Variants in RAPGEF5 observed in about 807,000 individuals in gnomAD.
RAPGEF5 encodes M-Ras-regulated GEF.
In RAPGEF5, 65 loss-of-function variants were observed where a neutral mutation model predicts 125.2. That is an observed-to-expected ratio of 0.52 (90% confidence interval 0.43 to 0.64). RAPGEF5 has a LOEUF of 0.64. Among genes scored for constraint, RAPGEF5 ranks in the 30% least tolerant of loss-of-function variants. RAPGEF5 has a pLI of 0.00. For missense variants in RAPGEF5, 958 were observed against 1,048.1 expected, an observed-to-expected ratio of 0.91 and a Z score of 1.19; for synonymous variants, 391 against 385.9, an observed-to-expected ratio of 1.01 and a Z score of -0.16.
chr7:22,334,960 T>C (rs1053199555), intron 1 of RAPGEF5, among the ~76,000 whole-genome samples: 18 of 152,238 alleles, frequency 1.2e-4, no homozygotes, highest in African/African-American at 4.1e-4. Flanking sequence ...CTTCCAGTAA[T>C]TTCAGAGTTG....
chr7:22,307,408 A>C (rs950951946), intron 5 of RAPGEF5, among the ~76,000 whole-genome samples: 2 of 152,142 alleles, frequency 1.3e-5, no homozygotes, highest in East Asian at 3.8e-4. Flanking sequence ...ATGGAACTAT[A>C]ACCGGGTATT....
intron 1 of RAPGEF5, among the ~76,000 whole-genome samples, chr7:22,345,549 A>C (rs1413988972): frequency 6.6e-6 from 1 of 152,228 alleles, no homozygotes; most frequent in East Asian, 1.9e-4. Flanking sequence ...TTATGAAAAT[A>C]GTAAAATAAG....
intron 9 of RAPGEF5, among the ~76,000 whole-genome samples, chr7:22,194,362 C>T (rs936993674): frequency 2.6e-5 from 4 of 152,162 alleles, no homozygotes; most frequent in African/African-American, 4.8e-5. Flanking sequence ...TTTCAAAAAG[C>T]ACAACATACT....
chr7:22,245,206 T>C (rs1786444429), intron 7 of RAPGEF5, among the ~76,000 whole-genome samples: 1 of 152,264 alleles, frequency 6.6e-6, no homozygotes, highest in Admixed American at 6.5e-5. Flanking sequence ...ATATGTTGGC[T>C]ATTAACACCT....
chr7:22,281,786 T>C (rs965213195), intron 6 of RAPGEF5, among the ~76,000 whole-genome samples: 1 of 152,246 alleles, frequency 6.6e-6, no homozygotes, highest in Non-Finnish European at 1.5e-5. Context: ...CTGACAAAGA[T>C]GTTACTACAT....
rs146465250 is a variant in RAPGEF5 at position 22,119,963 on chromosome 7, T to C, written c.*2443A>G. 27 of 152,348 alleles carry C rather than the reference T, an allele frequency of 1.8e-4. No homozygotes were observed. Among genetic ancestry groups the C allele is most frequent in the African/African-American group, 6.5e-4 (27 of 41,576 alleles). 9.4% of individuals were successfully genotyped at this position (152,348 alleles called of 1,614,324 possible). A position where few individuals can be genotyped will look rare whatever the true frequency, so the allele number is the denominator to read the frequency against. On this transcript the variant is annotated 3_prime_UTR_variant, in exon 26 of 26. Coordinates refer to ENST00000665637, the MANE Select transcript of RAPGEF5 (RefSeq NM_012294.5). This position sits in a 1 kb window ranked among gnomAD's most constrained non-coding sequence, Gnocchi z 4.1. ...CTTTCTGTTGAGTAATATCTGGTTC[T>C]CACAATTCGGGCTTGAATTCTTTAA...
chr7:22,266,251 C>T, intron 7 of RAPGEF5, among the ~76,000 whole-genome samples: 1 of 152,228 alleles, frequency 6.6e-6, no homozygotes, highest in South Asian at 2.1e-4. Context: ...CAAGAAGTAC[C>T]TCCCTTCTGA....
intron 5 of RAPGEF5, among the ~76,000 whole-genome samples, chr7:22,300,876 CA>C (rs1393426485): frequency 1.2e-4 from 18 of 152,180 alleles, no homozygotes; most frequent in Non-Finnish European, 2.9e-5. Flanking sequence ...TCACACTCTT[CA>C]AAACTACAGG....
rs570105930 is a variant in RAPGEF5 at position 22,310,035 on chromosome 7, C to T, written c.445G>A (p.Val149Ile). ...CCTATGGCCATAGATCTGCACTGGA[C>T]GAAAGGACAGTGTTCTAGAAGCCAG... ...VDWLLEHCPF[V>I]QCRSMAIGVW... The change falls in exon 4 of 26, where the codon GTC (valine) becomes ATC (isoleucine). Residue 149 changes from valine (V) to isoleucine (I), a missense_variant. Physicochemically the swap from Val to Ile is conservative, Grantham distance 29. Coordinates refer to ENST00000665637, the MANE Select transcript of RAPGEF5 (RefSeq NM_012294.5). 103 of 1,600,562 alleles carry T rather than the reference C, an allele frequency of 6.4e-5. 1 individual carries two copies. The highest frequency in any genetic ancestry group is 7.6e-5 in the Non-Finnish European group (89 of 1,175,410).
At chr7:22,244,326 C>T (rs959318868) in intron 7 of RAPGEF5, among the ~76,000 whole-genome samples, 7 of 152,128 alleles carry the variant, frequency 4.6e-5, no homozygotes, top group Admixed American at 3.3e-4. Flanking sequence ...CCCCACGCCA[C>T]GGACTGGTGC....
intron 17 of RAPGEF5, 146 bp downstream of exon 17, chr7:22,154,309 G>A (rs1011631223): frequency 1.1e-6 from 1 of 910,868 alleles, no homozygotes; most frequent in African/African-American, 1.7e-5. Flanking sequence ...AAACACTTCT[G>A]GTAGGCAGCT....
chr7:22,232,439 C>G (rs1393360169), intron 7 of RAPGEF5, among the ~76,000 whole-genome samples: 2 of 151,928 alleles, frequency 1.3e-5, no homozygotes, highest in African/African-American at 4.8e-5. Flanking sequence ...CCTCACTTAG[C>G]CTCCCGAGTG....
At chr7:22,256,600 A>G (rs967590131) in intron 7 of RAPGEF5, among the ~76,000 whole-genome samples, 2 of 152,218 alleles carry the variant, frequency 1.3e-5, no homozygotes, top group African/African-American at 4.8e-5. Flanking sequence ...TTAACTAGCT[A>G]TGGGCTAAGG....
At chr7:22,301,232 C>CTGA (rs1783191227) in intron 5 of RAPGEF5, among the ~76,000 whole-genome samples, 1 of 152,178 alleles carries the variant, frequency 6.6e-6, no homozygotes, top group Non-Finnish European at 1.5e-5. Flanking sequence ...GATTATTCTT[C>CTGA]ATAAGACTCT....
intron 7 of RAPGEF5, among the ~76,000 whole-genome samples, chr7:22,249,377 G>A (rs1786561315): frequency 6.6e-6 from 1 of 151,714 alleles, no homozygotes; most frequent in Non-Finnish European, 1.5e-5. Flanking sequence ...TTTGGTAGAG[G>A]TGGGGCTTCA....
chr7:22,229,692 C>A (rs1195953964), intron 8 of RAPGEF5, among the ~76,000 whole-genome samples: 1 of 152,188 alleles, frequency 6.6e-6, no homozygotes, highest in African/African-American at 2.4e-5. Context: ...GACGGGCCTG[C>A]AGAATTAAAC....
intron 5 of RAPGEF5, among the ~76,000 whole-genome samples, chr7:22,298,425 C>T (rs994866937): frequency 1.3e-5 from 2 of 152,176 alleles, no homozygotes; most frequent in South Asian, 2.1e-4. Flanking sequence ...GTGATCCGCC[C>T]GCCTCAGACT....
At position 22,308,397 on chromosome 7, in the gene RAPGEF5, C is replaced by T. The variant is rs777401306; in HGVS notation, c.622G>A (p.Val208Ile). 7.6e-6 allele frequency: 12 copies of T among 1,587,364 alleles called. No individual in the cohort carries two copies. Among genetic ancestry groups the T allele is most frequent in the African/African-American group, 1.3e-5 (1 of 74,510 alleles). Residue 208 changes from valine (V) to isoleucine (I), a missense_variant, in exon 5 of 26, where the codon GTC becomes ATC. Transcript: ENST00000665637. ...FEREEEWQNG[V>I]KLLLQLVPLI... Reference sequence around the variant, plus strand: ...GGCACAAGTTGCAGTAAAAGCTTGACACCATTTTGCCATTCTTCTTCTCTT... The same window carrying T: ...GGCACAAGTTGCAGTAAAAGCTTGATACCATTTTGCCATTCTTCTTCTCTT...
At chr7:22,194,119 C>T in intron 9 of RAPGEF5, 86 bp from the exon 10 acceptor site, 1 of 1,171,382 alleles carries the variant, frequency 8.5e-7, no homozygotes, top group South Asian at 1.4e-5. Flanking sequence ...CTAACTCAAG[C>T]TGTATTTTCT....
Sources: gnomAD v4.1 joint callset for allele counts (sites outside exome capture counted in the v4.1 genomes callset) on GRCh38, gnomAD v4.1.1 for gene constraint, Gnocchi (gnomAD v3.1) non-coding constraint, MANE v1.5 for transcripts, NCBI Gene and HGNC (gene_info 2026-07-23, HGNC 2026-07-21) for gene names.